The following CDK14 variants were observed in gnomAD, a reference collection of about 807,000 sequenced individuals.
CDK14 encodes cyclin-dependent kinase 14.
A neutral mutation model predicts 60.7 loss-of-function variants in CDK14; 34 were observed. The ratio of observed to expected loss-of-function variants is 0.56; its 90% CI spans 0.43 to 0.75. The LOEUF is 0.75. Ranked by LOEUF, CDK14 falls within the 30% of genes least tolerant of loss-of-function variation. The pLI, the probability that CDK14 is intolerant of heterozygous loss-of-function variation, is 0.00. For synonymous variants in CDK14, 197 were observed against 203.7 expected (o/e 0.97, Z 0.28); for missense variants, 482 against 564.1 (o/e 0.85, Z 1.47).
At chr7:90,857,435 A>G (rs1440221904) in intron 5 of CDK14, among the ~76,000 whole-genome samples, 1 of 152,182 alleles carries the variant, frequency 6.6e-6, no homozygotes, top group Non-Finnish European at 1.5e-5. Context: ...TTTTGACACC[A>G]CAGCCCCTAA....
At chr7:91,086,660 G>GGTGTGT (rs149008629) in intron 12 of CDK14, among the ~76,000 whole-genome samples, 3 of 149,208 alleles carry the variant, frequency 2.0e-5, no homozygotes, top group South Asian at 2.1e-4. Flanking sequence ...GGCCCCTGTG[G>GGTGTGT]GTGTGTGTGT....
At chr7:91,175,546 G>A (rs910794075) in intron 14 of CDK14, among the ~76,000 whole-genome samples, 3 of 152,032 alleles carry the variant, frequency 2.0e-5, no homozygotes, top group Admixed American at 2.0e-4. Flanking sequence ...CCATCAGTGT[G>A]CTGTATTCAG....
At chr7:90,754,503 G>A (rs555798818) in intron 4 of CDK14, among the ~76,000 whole-genome samples, 31 of 152,214 alleles carry the variant, frequency 2.0e-4, no homozygotes, top group Middle Eastern at 6.8e-3. Flanking sequence ...AGATTTAAAC[G>A]TAAGACCTCG....
At chr7:91,077,869 A>G (rs962765471) in intron 11 of CDK14, among the ~76,000 whole-genome samples, 2 of 152,144 alleles carry the variant, frequency 1.3e-5, no homozygotes, top group East Asian at 1.9e-4. Context: ...CAAGAATCCA[A>G]TATTAAATTT....
chr7:90,810,257 A>G (rs1399467603), intron 5 of CDK14, among the ~76,000 whole-genome samples: 1 of 152,208 alleles, frequency 6.6e-6, no homozygotes, highest in African/African-American at 2.4e-5. Context: ...CAACACATCA[A>G]AAAGTTTATC....
chr7:91,081,423 T>C (rs1434957309), intron 12 of CDK14, among the ~76,000 whole-genome samples: 1 of 152,216 alleles, frequency 6.6e-6, no homozygotes, highest in African/African-American at 2.4e-5. Flanking sequence ...TGTACAGTGG[T>C]AATAGGTTTA....
chr7:90,693,216 A>C (rs541190669), intron 2 of CDK14, among the ~76,000 whole-genome samples: 2 of 152,298 alleles, frequency 1.3e-5, no homozygotes, highest in African/African-American at 4.8e-5. Context: ...GTAAATATTA[A>C]GATTGATGTC....
chr7:90,989,434 A>G (rs1201111715), intron 10 of CDK14, among the ~76,000 whole-genome samples: 1 of 152,132 alleles, frequency 6.6e-6, no homozygotes, highest in South Asian at 2.1e-4. Flanking sequence ...ACTAGGTACA[A>G]TGAAGACATA....
At chr7:91,170,145 T>C (rs1801472133) in intron 14 of CDK14, among the ~76,000 whole-genome samples, 1 of 152,192 alleles carries the variant, frequency 6.6e-6, no homozygotes, top group Non-Finnish European at 1.5e-5. Flanking sequence ...AGCTGTTCCT[T>C]AGAGGTCAAA....
chr7:91,109,718 A>G (rs1799419452), intron 12 of CDK14, among the ~76,000 whole-genome samples: 1 of 152,088 alleles, frequency 6.6e-6, no homozygotes, highest in Non-Finnish European at 1.5e-5. Context: ...AGACACCCTA[A>G]TATTACATGT....
At chr7:90,758,853 C>T (rs964980090) in intron 4 of CDK14, among the ~76,000 whole-genome samples, 5 of 152,084 alleles carry the variant, frequency 3.3e-5, no homozygotes, top group Admixed American at 6.5e-5. Flanking sequence ...GCCAGGAGTT[C>T]GAGACCAGCC....
intron 4 of CDK14, among the ~76,000 whole-genome samples, chr7:90,765,764 A>C (rs1804531742): frequency 6.6e-6 from 1 of 152,132 alleles, no homozygotes; most frequent in Non-Finnish European, 1.5e-5. Flanking sequence ...AAGAAAGGGG[A>C]GAAGTGTTTT....
At chr7:90,603,218 A>G (rs1799351846) in intron 1 of CDK14, among the ~76,000 whole-genome samples, 1 of 152,198 alleles carries the variant, frequency 6.6e-6, no homozygotes, top group Non-Finnish European at 1.5e-5. Context: ...ATTCTAAGTA[A>G]TTGTAAAATG....
At chr7:90,775,768 C>G (rs941542429) in intron 4 of CDK14, among the ~76,000 whole-genome samples, 5 of 110,690 alleles carry the variant, frequency 4.5e-5, no homozygotes, top group African/African-American at 1.8e-4. Context: ...TCCTCTTTCT[C>G]CCCCCCACCC....
chr7:90,917,724 G>T lies in CDK14; in HGVS notation c.826G>T (p.Gly276Cys). The T allele has an allele frequency of 6.2e-7, 1 of 1,612,228 alleles. No homozygotes were observed. Among genetic ancestry groups the T allele is most frequent in the Non-Finnish European group, 8.5e-7 (1 of 1,178,792 alleles). Residue 276 changes from glycine (G) to cysteine (C), a missense_variant and splice_region_variant, in exon 8 of 15, where the codon GGT becomes TGT. Transcript: ENST00000380050. ...DTGELKLADF[G>C]LARAKSVPSH... ...GGGGGAGTTAAAGCTGGCAGATTTC[G>T]GTAGGAAAGCAGTTAATTACCAGTC...
At chr7:91,028,545 A>G (rs1391229875) in intron 10 of CDK14, among the ~76,000 whole-genome samples, 1 of 152,216 alleles carries the variant, frequency 6.6e-6, no homozygotes. Context: ...CATTCCCACT[A>G]ACAGTGTATA....
chr7:91,111,222 C>T (rs1299538554), intron 12 of CDK14, among the ~76,000 whole-genome samples: 3 of 152,084 alleles, frequency 2.0e-5, no homozygotes, highest in African/African-American at 4.8e-5. Flanking sequence ...TCCTTCTCTA[C>T]CCAAATCCAT....
intron 14 of CDK14, among the ~76,000 whole-genome samples, chr7:91,145,106 T>C (rs1389784706): frequency 1.3e-5 from 2 of 152,154 alleles, no homozygotes; most frequent in Admixed American, 1.3e-4. Flanking sequence ...ACAAAAAGAA[T>C]TGGTAGTCAG....
intron 5 of CDK14, among the ~76,000 whole-genome samples, chr7:90,805,941 A>G (rs1328802033): frequency 6.6e-6 from 1 of 152,230 alleles, no homozygotes; most frequent in African/African-American, 2.4e-5. Context: ...AGTTGTGAAA[A>G]TAAACATATT....
Sources: allele counts gnomAD v4.1 joint callset (sites outside exome capture counted in the v4.1 genomes callset), GRCh38; gene constraint gnomAD v4.1.1; transcripts MANE v1.5; gene names NCBI Gene and HGNC (gene_info 2026-07-23, HGNC 2026-07-21).